Variants in SLC12A5 observed in about 807,000 individuals in gnomAD.
SLC12A5 encodes K-Cl cotransporter 2.
Under a neutral mutation model 124.0 loss-of-function variants are expected in SLC12A5, and 18 were observed. That is an observed-to-expected ratio of 0.15 (90% CI 0.10 to 0.22). The LOEUF is 0.22. SLC12A5 is among the 10% of genes least tolerant of loss of function. SLC12A5 has a pLI of 1.00. For synonymous variants in SLC12A5, 589 were observed against 568.0 expected, an observed-to-expected ratio of 1.04 and a Z score of -0.53; for missense variants, 867 against 1,478.7, an observed-to-expected ratio of 0.59 and a Z score of 6.78.
chr20:46,021,933 G>A (rs1033724009), intron 1 of SLC12A5: 1 of 1,467,266 alleles, frequency 6.8e-7, no homozygotes, highest in Non-Finnish European at 9.0e-7. Flanking sequence ...GCGGGACGAG[G>A]GGGAGGGGCC....
At chr20:46,042,102 A>T (rs2084553306) in intron 8 of SLC12A5, among the ~76,000 whole-genome samples, 1 of 152,218 alleles carries the variant, frequency 6.6e-6, no homozygotes, top group Admixed American at 6.5e-5. Context: ...GTGTCTTTCC[A>T]ATCACAAGTA....
At chr20:46,039,603 C>T (rs577279059) in intron 6 of SLC12A5, among the ~76,000 whole-genome samples, 18 of 152,004 alleles carry the variant, frequency 1.2e-4, no homozygotes, top group East Asian at 3.9e-4. Context: ...GGTGAAACCC[C>T]GTCTCTACTA....
At chr20:46,046,779 G>A (rs1352457348) in intron 14 of SLC12A5, among the ~76,000 whole-genome samples, 1 of 152,316 alleles carries the variant, frequency 6.6e-6, no homozygotes, top group East Asian at 1.9e-4. Flanking sequence ...TTGGGCTGAT[G>A]ATGTAGCTTC....
At chr20:46,035,726 G>A in intron 3 of SLC12A5, 51 bp from the exon 4 acceptor site, 1 of 1,577,914 alleles carries the variant, frequency 6.3e-7, no homozygotes, top group South Asian at 1.2e-5. Flanking sequence ...GCACACCTGG[G>A]GTGTTCGTAA....
chr20:46,041,645 G>A, intron 8 of SLC12A5, 105 bp downstream of exon 8: 1 of 1,197,402 alleles, frequency 8.4e-7, no homozygotes, highest in Non-Finnish European at 1.2e-6. Flanking sequence ...AATTCAATCA[G>A]CTTTAATTGA....
In SLC12A5 at chr20:46,041,366, G is replaced by A; in HGVS notation, c.892G>A (p.Gly298Ser). Reference sequence around the variant, plus strand: ...GGGTAACCGCACGCTGTCTCGCCATGGCTTTGATGTCTGTGCCAAGCTGGC... The same window carrying A: ...GGGTAACCGCACGCTGTCTCGCCATAGCTTTGATGTCTGTGCCAAGCTGGC... The part of the protein sequence containing the change: ...LLGNRTLSRH[G>S]FDVCAKLAWE... The change falls in exon 8 of 26, where the codon GGC (glycine) becomes AGC (serine). Residue 298 changes from glycine to serine, a missense_variant. This residue lies in a region of SLC12A5 where 127 missense variants were observed against 164.1 expected (regional missense o/e 0.77). Transcript: ENST00000243964. 6.2e-7 allele frequency: 1 copy of A among 1,614,164 alleles called. No individual in the cohort carries two copies. The highest frequency in any genetic ancestry group is 8.5e-7 in the Non-Finnish European group (1 of 1,180,026).
upstream of SLC12A5, among the ~76,000 whole-genome samples, chr20:46,024,603 G>A (rs2084381268): frequency 6.6e-6 from 1 of 152,210 alleles, no homozygotes; most frequent in African/African-American, 2.4e-5. Flanking sequence ...GATGGTGTGG[G>A]TGTGTATTAT....
In SLC12A5 at chr20:46,053,168, A is replaced by G. The variant is rs1260906590; in HGVS notation, c.2547+42A>G. On this transcript the variant is annotated intron_variant, in intron 19 of 25. Coordinates refer to ENST00000243964, the MANE Select transcript of SLC12A5 (RefSeq NM_020708.5). This position sits in a 1 kb window ranked among gnomAD's most constrained non-coding sequence, Gnocchi z 4.7. ...AGTGTATGCACGTGTGAGTGTGTGTATGCATGTATGCATTTGTGTGCATAT... is the reference window on the plus strand; with the variant it reads ...AGTGTATGCACGTGTGAGTGTGTGTGTGCATGTATGCATTTGTGTGCATAT... 6.3e-7 allele frequency: 1 copy of G among 1,575,454 alleles called. No homozygotes were observed. Among genetic ancestry groups the G allele is most frequent in the Non-Finnish European group, 8.7e-7 (1 of 1,150,818 alleles).
intron 1 of SLC12A5, among the ~76,000 whole-genome samples, chr20:46,022,466 A>G (rs1186366395): frequency 1.3e-5 from 2 of 151,856 alleles, no homozygotes; most frequent in African/African-American, 4.8e-5. Flanking sequence ...TTGCCGAGGC[A>G]GGTGCCAGGT....
At position 46,055,661 on chromosome 20, in the gene SLC12A5, G is replaced by A. The variant is rs1041720420; in HGVS notation, c.2788-489G>A. ...GGGTGATAAGTTGCCCAGGGAATGGGTGGCAATCCTACACATGAGGGTAAT... is the reference window on the plus strand; with the variant it reads ...GGGTGATAAGTTGCCCAGGGAATGGATGGCAATCCTACACATGAGGGTAAT... On this transcript the variant is annotated intron_variant, in intron 21 of 25. Transcript: ENST00000243964. 5.9e-5 allele frequency among the ~76,000 whole-genome samples: 9 copies of A among 152,272 alleles called. No individual in the cohort carries two copies. In the East Asian group the frequency reaches 1.4e-3, roughly 23 times the overall value.
chr20:46,056,534 A>T lies in SLC12A5; in HGVS notation c.3080A>T (p.Glu1027Val). 6.2e-7 allele frequency: 1 copy of T among 1,614,116 alleles called. No individual in the cohort carries two copies. Among genetic ancestry groups the T allele is most frequent in the South Asian group, 1.1e-5 (1 of 91,084 alleles). ...KNKGPSPVSS[E>V]GIKDFFSMKP... ...AAGGGCCCCAGTCCTGTCTCCTCTG[A>T]GGGCATCAAGGACTTCTTCAGCATG... is the stretch of plus-strand genomic sequence containing the variant. The change falls in exon 23 of 26, where the codon GAG becomes GTG. Residue 1027 changes from glutamate (E) to valine (V), a missense_variant. Glu to Val is a moderately radical substitution (Grantham distance 121, BLOSUM62 -2). This residue lies in a region of SLC12A5 where 180 missense variants were observed against 243.6 expected (regional missense o/e 0.74). Coordinates refer to ENST00000243964, the MANE Select transcript of SLC12A5 (RefSeq NM_020708.5). The surrounding 1 kb of genome is among the most constrained non-coding windows in gnomAD (Gnocchi z 4.3).
At chr20:46,023,435 G>T in exon 3 of SLC12A5, 1 of 398,628 alleles carries the variant, frequency 2.5e-6, no homozygotes, top group Non-Finnish European at 4.4e-6. Flanking sequence ...TGGCAGCATC[G>T]GTCCCCCCTC....
chr20:46,031,147 G>A (rs576915305), intron 1 of SLC12A5, among the ~76,000 whole-genome samples: 6 of 152,174 alleles, frequency 3.9e-5, no homozygotes, highest in Admixed American at 6.5e-5. Context: ...CTCTGCCAAG[G>A]TTTCACCAGG....
intron 21 of SLC12A5, chr20:46,055,942 CA>C (rs1309037688): frequency 1.6e-6 from 1 of 629,432 alleles, no homozygotes; most frequent in Admixed American, 3.1e-5. Flanking sequence ...CTTTTGTTGC[CA>C]GATGAGGTCT....
intron 9 of SLC12A5, 142 bp from the exon 10 acceptor site, chr20:46,043,491 T>C: frequency 8.6e-7 from 1 of 1,169,362 alleles, no homozygotes; most frequent in Non-Finnish European, 1.2e-6. Flanking sequence ...AGAAGCTAAG[T>C]AACATGTCCA....
In SLC12A5 at chr20:46,036,716, G is replaced by T. The variant is rs142261105; in HGVS notation, c.427-25G>T. 166 of 1,613,150 alleles carry T rather than the reference G, an allele frequency of 1.0e-4. 1 individual carries two copies. The African/African-American group carries it at 1.9e-3, about 18-fold the overall frequency. ...CACTGCGGCCCCTACCCCAGCCACCGCTCTGATGATCTCTTTCCTCACAGA... is the reference window on the plus strand; with the variant it reads ...CACTGCGGCCCCTACCCCAGCCACCTCTCTGATGATCTCTTTCCTCACAGA... On this transcript the variant is annotated intron_variant, in intron 4 of 25. Coordinates refer to ENST00000243964, the MANE Select transcript of SLC12A5 (RefSeq NM_020708.5).
intron 15 of SLC12A5, 125 bp downstream of exon 15, chr20:46,047,698 G>A: frequency 1.6e-6 from 2 of 1,275,698 alleles, no homozygotes; most frequent in African/African-American, 1.5e-5. Context: ...GGAGAGGATG[G>A]GGCTGGAGTA....
upstream of SLC12A5, chr20:46,029,048 C>T (rs1433802846): frequency 1.7e-5 from 18 of 1,085,744 alleles, no homozygotes; most frequent in Non-Finnish European, 1.5e-5. Context: ...GCTCTGCCCG[C>T]CCCTCATCTT....
At chr20:46,022,716 G>A (rs1445431402) in intron 1 of SLC12A5, 5 of 398,046 alleles carry the variant, frequency 1.3e-5, no homozygotes, top group Non-Finnish European at 2.2e-5. Context: ...CGGGGTTGGG[G>A]GCGTCTTCCT....
Sources: allele counts gnomAD v4.1 joint callset (sites outside exome capture counted in the v4.1 genomes callset), GRCh38; gene constraint gnomAD v4.1.1; regional missense constraint gnomAD v4.1.1; non-coding constraint Gnocchi (gnomAD v3.1); transcripts MANE v1.5; gene names NCBI Gene and HGNC (gene_info 2026-07-23, HGNC 2026-07-21).